The following RLN1 variants were observed in gnomAD, a reference collection of about 807,000 sequenced individuals.
RLN1 encodes relaxin 1.
In RLN1, 4 loss-of-function variants were observed where a neutral mutation model predicts 7.2. That is an observed-to-expected ratio of 0.56 (90% confidence interval 0.28 to 1.28). The LOEUF (loss-of-function observed/expected upper bound fraction) is 1.28. RLN1 is among the 50% of genes most tolerant of loss of function. The pLI is 0.11. For missense variants in RLN1, 293 were observed against 221.1 expected (o/e 1.32, Z -2.06); for synonymous variants, 105 against 86.0 (o/e 1.22, Z -1.22).
Position 5,335,359 on chromosome 9 carries a change from G to C in RLN1, c.450C>G (p.Tyr150Ter), listed in dbSNP as rs1250812413. ...AADSNPSELK[Y>*]LGLDTHSQKK... The stretch of plus-strand genomic sequence containing the variant: ...TTTGAGAATGAGTATCCAAGCCTAA[G>C]TATTTTAATTCTGAAGGATTGCTGT... Residue 150 changes from tyrosine (Y) to a stop codon, truncating the protein, a stop_gained, in exon 2 of 2, where the codon TAC becomes TAG. Coordinates refer to ENST00000223862, the MANE Select transcript of RLN1 (RefSeq NM_006911.4). LOFTEE classifies it low-confidence loss of function (END_TRUNC). The C allele has an allele frequency of 1.9e-6, 3 of 1,613,464 alleles. No individual in the cohort carries two copies. The highest frequency in any genetic ancestry group is 2.7e-5 in the African/African-American group (2 of 74,948).
chr9:5,335,678 CA>C, intron 1 of RLN1, 81 bp from the exon 2 acceptor site: 1 of 836,840 alleles, frequency 1.2e-6, no homozygotes. Context: ...TGTTTGCATA[CA>C]CAAAGAAAAG....
rs770445540 is a variant in RLN1, at chr9:5,339,523, C to G, written c.211+13G>C. The G allele has an allele frequency of 2.7e-4, 416 of 1,534,474 alleles. 1 individual carries two copies. In the African/African-American group the frequency reaches 5.1e-3, roughly 19 times the overall value. On this transcript the variant is annotated intron_variant, in intron 1 of 1. Coordinates refer to ENST00000223862, the MANE Select transcript of RLN1 (RefSeq NM_006911.4). ...GAAGCGCGGGAAGGCCGGGAGGGGG[C>G]GGGAGCTCTCACCTGCCACTGGTCT... is the stretch of plus-strand genomic sequence containing the variant.
At position 5,334,964 on chromosome 9, in the gene RLN1, T is replaced by C; in HGVS notation, c.*287A>G. 3.6e-6 allele frequency: 1 copy of C among 274,998 alleles called. No individual in the cohort carries two copies. Among genetic ancestry groups the C allele is most frequent in the Non-Finnish European group, 6.7e-6 (1 of 148,836 alleles). 17.0% of individuals were successfully genotyped at this position (274,998 alleles called of 1,614,324 possible). On this transcript the variant is annotated 3_prime_UTR_variant, in exon 2 of 2. Coordinates refer to ENST00000223862, the MANE Select transcript of RLN1 (RefSeq NM_006911.4). ...TTAGGTACTGTATTGTTATTATGTA[T>C]GGTTAAAGTGGCAAAGGTTTTATTG...
chr9:5,340,295 T>C (rs1377011409), upstream of RLN1, among the ~76,000 whole-genome samples: 1 of 152,158 alleles, frequency 6.6e-6, no homozygotes, highest in Non-Finnish European at 1.5e-5. Context: ...AAATTGTTGA[T>C]GAGAGGGAAA....
At chr9:5,339,261 C>A in intron 1 of RLN1, 1 of 289,696 alleles carries the variant, frequency 3.5e-6, no homozygotes, top group Non-Finnish European at 5.9e-6. Context: ...GACTGCCTTA[C>A]GGAAAGGGCA....
In RLN1 at chr9:5,335,107, T is replaced by C; in HGVS notation, c.*144A>G. The C allele has an allele frequency of 1.9e-6, 1 of 525,486 alleles. No individual in the cohort carries two copies. The highest frequency in any genetic ancestry group is 3.3e-6 in the Non-Finnish European group (1 of 306,110). The allele number at this position is 525,486 out of a possible 1,614,324, so 32.6% of individuals were successfully genotyped here. A position where few individuals can be genotyped will look rare whatever the true frequency, so the allele number is the denominator to read the frequency against. The stretch of plus-strand genomic sequence containing the variant: ...GAAACTACAATCATACAAAGAATAT[T>C]TTCTTACACACCAAATGAAAAATCT... On this transcript the variant is annotated 3_prime_UTR_variant, in exon 2 of 2. Coordinates refer to ENST00000223862, the MANE Select transcript of RLN1 (RefSeq NM_006911.4).
intron 1 of RLN1, among the ~76,000 whole-genome samples, chr9:5,335,878 C>G (rs1279004879): frequency 6.6e-6 from 1 of 151,950 alleles, no homozygotes; most frequent in African/African-American, 2.4e-5. Context: ...TTTTGACTCT[C>G]CCTGACATTA....
In RLN1 at chr9:5,339,785, C is replaced by A; in HGVS notation, c.-39G>T. ...TCTCCTGGAGGTCTGGGTGTTGCAG[C>A]CTTTCAGGACTGCGGCTGCTGTGGC... On this transcript the variant is annotated 5_prime_UTR_variant, in exon 1 of 2. Transcript: ENST00000223862. 1 of 1,600,664 alleles carries A rather than the reference C, an allele frequency of 6.2e-7. No individual in the cohort carries two copies. Among genetic ancestry groups the A allele is most frequent in the Non-Finnish European group, 8.6e-7 (1 of 1,168,890 alleles).
rs149069258 is a variant in RLN1 at position 5,335,329 on chromosome 9, C to G, written c.480G>C (p.Lys160Asn). Residue 160 changes from lysine to asparagine, a missense_variant, in exon 2 of 2, where the codon AAG becomes AAC. Physicochemically the swap from Lys to Asn is moderately conservative, Grantham distance 94. Coordinates refer to ENST00000223862, the MANE Select transcript of RLN1 (RefSeq NM_006911.4). ...CAAACAGTGCCACGTAGGGTCGTCTCTTTTTTTGAGAATGAGTATCCAAGC... is the reference window on the plus strand; with the variant it reads ...CAAACAGTGCCACGTAGGGTCGTCTGTTTTTTTGAGAATGAGTATCCAAGC... Reference protein sequence around the residue: ...YLGLDTHSQKKRRPYVALFEK... With the variant: ...YLGLDTHSQKNRRPYVALFEK... 37 of 1,612,516 alleles carry G rather than the reference C, an allele frequency of 2.3e-5. No homozygotes were observed. Among genetic ancestry groups the G allele is most frequent in the Non-Finnish European group, 2.5e-5 (30 of 1,179,588 alleles).
At chr9:5,335,699 C>A in intron 1 of RLN1, 102 bp from the exon 2 acceptor site, 1 of 697,806 alleles carries the variant, frequency 1.4e-6, no homozygotes, top group African/African-American at 1.8e-5. Context: ...GAAAGCATTG[C>A]CTCAATATAA....
chr9:5,340,599 C>A (rs1816971987), upstream of RLN1, among the ~76,000 whole-genome samples: 1 of 152,052 alleles, frequency 6.6e-6, no homozygotes, highest in Non-Finnish European at 1.5e-5. Context: ...TCCCACATTC[C>A]CAGAAATAAT....
At position 5,335,444 on chromosome 9, in the gene RLN1, G is replaced by C. The variant is rs938411406; in HGVS notation, c.365C>G (p.Ser122Cys). ...LQQYVPALKDSNLSFEEFKKL... is the reference protein window; with the variant it reads ...LQQYVPALKDCNLSFEEFKKL... Reference sequence around the variant, plus strand: ...CTTAAATTCTTCAAAGCTAAGATTGGAATCCTTTAATGCAGGTACATACTG... The same window carrying C: ...CTTAAATTCTTCAAAGCTAAGATTGCAATCCTTTAATGCAGGTACATACTG... Residue 122 changes from serine (S) to cysteine (C), a missense_variant, in exon 2 of 2, where the codon TCC (serine) becomes TGC (cysteine). Transcript: ENST00000223862. 6.2e-7 allele frequency: 1 copy of C among 1,613,704 alleles called. No homozygotes were observed. The highest frequency in any genetic ancestry group is 1.7e-5 in the Admixed American group (1 of 59,996).
upstream of RLN1, chr9:5,339,901 T>G: frequency 1.4e-6 from 1 of 731,322 alleles, no homozygotes; most frequent in Non-Finnish European, 2.3e-6. Flanking sequence ...ATCACTCAGC[T>G]TTTAAGGCAA....
chr9:5,339,842 G>A lies in RLN1; in HGVS notation c.-96C>T, dbSNP rs1816956368. On this transcript the variant is annotated 5_prime_UTR_variant, in exon 1 of 2. Transcript: ENST00000223862. ...ACCTGGGCCTGTGTGCCTGTCCCGG[G>A]CTTTAGGCTGCTTTCCCTACCCGGC... 19 of 1,238,326 alleles carry A rather than the reference G, an allele frequency of 1.5e-5. No individual in the cohort carries two copies. In the South Asian group the frequency reaches 2.4e-4, roughly 15 times the overall value. 76.7% of individuals were successfully genotyped at this position (1,238,326 alleles called of 1,614,324 possible).
At chr9:5,340,651 T>G (rs1816972895), upstream of RLN1, among the ~76,000 whole-genome samples, 1 of 152,188 alleles carries the variant, frequency 6.6e-6, no homozygotes, top group Non-Finnish European at 1.5e-5. Flanking sequence ...GTTCATTTGT[T>G]TACTGTATTT....
At chr9:5,336,493 T>C (rs1298659193) in intron 1 of RLN1, among the ~76,000 whole-genome samples, 6 of 152,060 alleles carry the variant, frequency 3.9e-5, no homozygotes, top group South Asian at 2.1e-4. Flanking sequence ...TCCATCTTTG[T>C]ACCCATTCAG....
upstream of RLN1, among the ~76,000 whole-genome samples, chr9:5,340,827 G>C (rs1816976941): frequency 6.6e-6 from 1 of 152,170 alleles, no homozygotes; most frequent in African/African-American, 2.4e-5. Context: ...TTACTTGCTT[G>C]TGTTCATAAT....
chr9:5,336,434 G>C (rs1426820596), intron 1 of RLN1, among the ~76,000 whole-genome samples: 1 of 152,022 alleles, frequency 6.6e-6, no homozygotes, highest in Non-Finnish European at 1.5e-5. Flanking sequence ...CAAATGTGAA[G>C]GCTGGGACTT....
chr9:5,337,100 C>T (rs1365165301), intron 1 of RLN1, among the ~76,000 whole-genome samples: 2 of 152,032 alleles, frequency 1.3e-5, no homozygotes, highest in Non-Finnish European at 2.9e-5. Flanking sequence ...GAATTTATAT[C>T]ATTTTTGGTT....
Sources: gnomAD v4.1 joint callset for allele counts (sites outside exome capture counted in the v4.1 genomes callset) on GRCh38, gnomAD v4.1.1 for gene constraint, MANE v1.5 for transcripts, NCBI Gene and HGNC (gene_info 2026-07-23, HGNC 2026-07-21) for gene names.